Variants in LRP1B observed in about 807,000 individuals in gnomAD.
LRP1B encodes the protein low-density lipoprotein receptor-related protein 1B.
Under a neutral mutation model 556.6 loss-of-function variants are expected in LRP1B, and 217 were observed. That is an observed-to-expected ratio of 0.39 (90% confidence interval 0.35 to 0.44). The LOEUF (loss-of-function observed/expected upper bound fraction) is 0.44. LRP1B is among the 20% of genes least tolerant of loss of function. The probability of loss-of-function intolerance (pLI) is 1.00; values close to 1 mark genes in which losing one functional copy is unlikely to be tolerated. For synonymous variants in LRP1B, 2,047 were observed against 1,865.8 expected, an observed-to-expected ratio of 1.10 and a Z score of -2.50; for missense variants, 5,053 against 5,620.8, an observed-to-expected ratio of 0.90 and a Z score of 3.23.
At chr2:140,716,646 G>A (rs1398192034) in intron 36 of LRP1B, 36 bp downstream of exon 36, 1 of 1,568,204 alleles carries the variant, frequency 6.4e-7, no homozygotes, top group Non-Finnish European at 8.6e-7. Flanking sequence ...AACAAAATAG[G>A]TGTGAAACAG....
intron 86 of LRP1B, among the ~76,000 whole-genome samples, chr2:140,262,261 TTAAAAA>T (rs1681980135): frequency 6.6e-6 from 1 of 151,990 alleles, no homozygotes; most frequent in Non-Finnish European, 1.5e-5. Flanking sequence ...CCTTCAAAAT[TTAAAAA>T]TAAAAGCTAG....
At chr2:142,110,523 G>A (rs1373658615) in intron 1 of LRP1B, among the ~76,000 whole-genome samples, 1 of 152,060 alleles carries the variant, frequency 6.6e-6, no homozygotes, top group East Asian at 1.9e-4. Context: ...GAAACCCTCA[G>A]TTCTAATGTA....
chr2:140,513,955 C>T (rs927664036), intron 51 of LRP1B, among the ~76,000 whole-genome samples: 15 of 151,840 alleles, frequency 9.9e-5, no homozygotes, highest in African/African-American at 3.1e-4. Flanking sequence ...AATTCTTGGC[C>T]GGTAAGAACA....
intron 2 of LRP1B, among the ~76,000 whole-genome samples, chr2:141,736,223 T>C (rs1444548874): frequency 6.6e-6 from 1 of 152,110 alleles, no homozygotes; most frequent in Non-Finnish European, 1.5e-5. Flanking sequence ...CTGGATGGGC[T>C]TGTAATATGC....
In LRP1B at chr2:140,857,672, T is replaced by C. The variant is rs138502577; in HGVS notation, c.4580-5889A>G. 6.0e-3 allele frequency among the ~76,000 whole-genome samples: 920 copies of C among 152,282 alleles called. 4 individuals are homozygous for C. Among genetic ancestry groups the C allele is most frequent in the Middle Eastern group, 0.021 (6 of 290 alleles). The stretch of plus-strand genomic sequence containing the variant: ...TATGAATTAATTTTATACTGTACTG[T>C]ATAAAGTAGAATATAACATGTCTAA... On this transcript the variant is annotated intron_variant, in intron 27 of 90. Transcript: ENST00000389484.
chr2:142,107,703 T>C (rs1379924595), intron 1 of LRP1B, among the ~76,000 whole-genome samples: 2 of 151,756 alleles, frequency 1.3e-5, no homozygotes, highest in South Asian at 2.1e-4. Context: ...TCTCGGCTCA[T>C]TGCAACCTCC....
At chr2:140,690,451 T>C (rs534781180) in intron 41 of LRP1B, among the ~76,000 whole-genome samples, 1 of 152,278 alleles carries the variant, frequency 6.6e-6, no homozygotes, top group East Asian at 1.9e-4. Context: ...ATTCATATGC[T>C]TTTTCTCTTA....
At chr2:141,574,229 C>A in intron 2 of LRP1B, among the ~76,000 whole-genome samples, 1 of 152,256 alleles carries the variant, frequency 6.6e-6, no homozygotes, top group Non-Finnish European at 1.5e-5. Flanking sequence ...AGGAGCACAT[C>A]AAAAAACTTA....
chr2:140,638,427 C>T (rs1684152793), intron 41 of LRP1B, among the ~76,000 whole-genome samples: 1 of 151,956 alleles, frequency 6.6e-6, no homozygotes, highest in Non-Finnish European at 1.5e-5. Context: ...GGATTTAACC[C>T]CATGAATGAT....
At chr2:140,972,160 C>T (rs182482548) in intron 18 of LRP1B, among the ~76,000 whole-genome samples, 4 of 152,128 alleles carry the variant, frequency 2.6e-5, no homozygotes, top group Admixed American at 1.3e-4. Flanking sequence ...AAGAAAGATG[C>T]GAAATAATGC....
At chr2:141,836,745 A>G (rs1032352963) in intron 1 of LRP1B, among the ~76,000 whole-genome samples, 8 of 152,142 alleles carry the variant, frequency 5.3e-5, no homozygotes, top group African/African-American at 1.7e-4. Context: ...CAAGATCAAA[A>G]TACATCTTGT....
At chr2:140,536,002 CT>C in intron 46 of LRP1B, among the ~76,000 whole-genome samples, 1 of 152,150 alleles carries the variant, frequency 6.6e-6, no homozygotes, top group East Asian at 1.9e-4. Context: ...GTGCTATTGT[CT>C]GTTGGTGAAA....
At chr2:140,709,504 AGAG>A (rs755224893) in intron 37 of LRP1B, among the ~76,000 whole-genome samples, 15 of 151,774 alleles carry the variant, frequency 9.9e-5, no homozygotes, top group African/African-American at 2.9e-4. Flanking sequence ...AGGAGGAACA[AGAG>A]GAGGAGGAGG....
intron 3 of LRP1B, among the ~76,000 whole-genome samples, chr2:141,305,742 T>C (rs913797885): frequency 2.0e-5 from 3 of 152,222 alleles, no homozygotes; most frequent in African/African-American, 7.2e-5. Context: ...ACACAGTCTC[T>C]ATTATGTTGA....
chr2:141,902,839 T>C (rs563360676), intron 1 of LRP1B, among the ~76,000 whole-genome samples: 199 of 152,136 alleles, frequency 1.3e-3, no homozygotes, highest in African/African-American at 4.3e-3. Flanking sequence ...GCAGTAACTA[T>C]AGCAATTGTT....
At position 140,394,124 on chromosome 2, in the gene LRP1B, A is replaced by T. The variant is rs1054494923; in HGVS notation, c.10415-8115T>A. On this transcript the variant is annotated intron_variant, in intron 66 of 90. Transcript: ENST00000389484. ...TAGCCCGTAGGGTTTACTGGCACATATTTTTTTTTTTTTTTTTTTTTGGTG... is the reference window on the plus strand; with the variant it reads ...TAGCCCGTAGGGTTTACTGGCACATTTTTTTTTTTTTTTTTTTTTTTGGTG... Among the ~76,000 whole-genome samples the T allele has an allele frequency of 2.6e-3, 324 of 122,500 alleles. 1 individual carries two copies. The highest frequency in any genetic ancestry group is 2.4e-3 in the African/African-American group (77 of 32,676). The allele number at this position is 122,500 out of a possible 152,430, so 80.4% of individuals were successfully genotyped here.
chr2:140,776,139 C>T lies in LRP1B; in HGVS notation c.5459G>A (p.Gly1820Glu), dbSNP rs1324528685. 4 of 1,577,764 alleles carry T rather than the reference C, an allele frequency of 2.5e-6. No homozygotes were observed. The highest frequency in any genetic ancestry group is 3.4e-6 in the Non-Finnish European group (4 of 1,167,372). ...NPTILRNKTS[G>E]VVHMKVYDKE... ...ATCATAGACTTTCATATGAACTACC[C>T]CAGAAGTCTTATTCCGTAGGATGGT... The change falls in exon 33 of 91, where the codon GGG becomes GAG. Residue 1820 changes from glycine to glutamate, a missense_variant. Physicochemically the swap from Gly to Glu is moderately conservative, Grantham distance 98. Coordinates refer to ENST00000389484, the MANE Select transcript of LRP1B (RefSeq NM_018557.3).
At chr2:141,816,900 C>T (rs563179907) in intron 1 of LRP1B, among the ~76,000 whole-genome samples, 4 of 151,910 alleles carry the variant, frequency 2.6e-5, no homozygotes, top group Admixed American at 6.6e-5. Context: ...ATATTGTTAC[C>T]GTTTTGGGGA....
chr2:140,719,294 G>A (rs1300891509), intron 35 of LRP1B, among the ~76,000 whole-genome samples: 1 of 151,968 alleles, frequency 6.6e-6, no homozygotes, highest in Non-Finnish European at 1.5e-5. Flanking sequence ...GGAACAGAAG[G>A]TATACACATG....
Sources: allele counts gnomAD v4.1 joint callset (sites outside exome capture counted in the v4.1 genomes callset), GRCh38; gene constraint gnomAD v4.1.1; transcripts MANE v1.5; gene names NCBI Gene and HGNC (gene_info 2026-07-23, HGNC 2026-07-21).